Variants in DLGAP2 observed in about 807,000 individuals in gnomAD.
DLGAP2 encodes disks large-associated protein 2.
Under a neutral mutation model 100.3 loss-of-function variants are expected in DLGAP2, and 26 were observed. The ratio of observed to expected loss-of-function variants is 0.26; its 90% CI spans 0.19 to 0.36. The LOEUF (loss-of-function observed/expected upper bound fraction) is 0.36. DLGAP2 is among the 10% of genes least tolerant of loss of function. DLGAP2 has a pLI of 1.00. For synonymous variants in DLGAP2, 886 were observed against 630.1 expected, an observed-to-expected ratio of 1.41 and a Z score of -6.08; for missense variants, 1,858 against 1,453.2, an observed-to-expected ratio of 1.28 and a Z score of -4.53.
intron 1 of DLGAP2, among the ~76,000 whole-genome samples, chr8:779,111 C>A (rs1044445373): frequency 6.6e-6 from 1 of 152,250 alleles, no homozygotes; most frequent in African/African-American, 2.4e-5. Context: ...TTCCAGGTGC[C>A]GTCCGTCACC....
chr8:1,306,353 C>A (rs530916052), intron 3 of DLGAP2, among the ~76,000 whole-genome samples: 12 of 151,954 alleles, frequency 7.9e-5, no homozygotes, highest in East Asian at 5.8e-4. Flanking sequence ...GTCAAAAAAA[C>A]CCAAAATTCT....
chr8:1,620,261 C>G (rs140208497), intron 6 of DLGAP2: 36 of 152,408 alleles, frequency 2.4e-4, no homozygotes, highest in African/African-American at 7.7e-4. Context: ...CACTTGATTT[C>G]TCAGCATCTG....
At chr8:817,939 C>G (rs1796515592) in intron 1 of DLGAP2, among the ~76,000 whole-genome samples, 1 of 152,162 alleles carries the variant, frequency 6.6e-6, no homozygotes, top group African/African-American at 2.4e-5. Flanking sequence ...GGCCTCCAGC[C>G]AGGAGGTGGT....
intron 2 of DLGAP2, among the ~76,000 whole-genome samples, chr8:1,048,146 A>G (rs977770836): frequency 2.0e-5 from 3 of 152,106 alleles, no homozygotes; most frequent in Non-Finnish European, 4.4e-5. Context: ...TTTTTAATCT[A>G]CAGAATACAA....
chr8:802,009 ACAGTCCGCACCCCTCC>A (rs1796167336), intron 1 of DLGAP2, among the ~76,000 whole-genome samples: 1 of 71,470 alleles, frequency 1.4e-5, no homozygotes, highest in African/African-American at 4.7e-5. Context: ...AGCCTGAGGA[ACAGTCCGCACCCCTCC>A]TGGGCCCTCC....
In DLGAP2 at chr8:1,691,408, G is replaced by A. The variant is rs34727953; in HGVS notation, c.2705-127G>A. 3,961 of 747,380 alleles carry A rather than the reference G, an allele frequency of 5.3e-3. 17 individuals carry two copies. The highest frequency in any genetic ancestry group is 6.9e-3 in the Non-Finnish European group (3,187 of 461,218). The allele number at this position is 747,380 out of a possible 1,614,324, so 46.3% of individuals were successfully genotyped here. A position where few individuals can be genotyped will look rare whatever the true frequency, so the allele number is the denominator to read the frequency against. ...GCACGAGTCACCAGCGAACACGCTC[G>A]GCACGATGAAGTCGTCAGTTTTCAT... On this transcript the variant is annotated intron_variant, in intron 12 of 14. Transcript: ENST00000637795.
chr8:1,193,712 A>G (rs957292055), intron 2 of DLGAP2, among the ~76,000 whole-genome samples: 1 of 151,880 alleles, frequency 6.6e-6, no homozygotes, highest in Non-Finnish European at 1.5e-5. Flanking sequence ...CCCTCTCTGC[A>G]CCTGAGACTC....
intron 1 of DLGAP2, among the ~76,000 whole-genome samples, chr8:852,486 A>T (rs1331440228): frequency 6.6e-6 from 1 of 152,174 alleles, no homozygotes; most frequent in African/African-American, 2.4e-5. Flanking sequence ...ATTGTAATGA[A>T]TTATTAGCTT....
chr8:1,522,192 G>C (rs1449107203), intron 4 of DLGAP2, among the ~76,000 whole-genome samples: 1 of 152,204 alleles, frequency 6.6e-6, no homozygotes, highest in South Asian at 2.1e-4. Flanking sequence ...CTCTTCGGTG[G>C]GGTCCACTCA....
intron 6 of DLGAP2, among the ~76,000 whole-genome samples, chr8:1,578,114 C>G (rs887500862): frequency 6.6e-6 from 1 of 152,196 alleles, no homozygotes; most frequent in East Asian, 1.9e-4. Context: ...GAGTGTTTTT[C>G]TCTTTTTTGC....
intron 3 of DLGAP2, among the ~76,000 whole-genome samples, chr8:1,268,253 A>G (rs1167710677): frequency 6.6e-6 from 1 of 152,192 alleles, no homozygotes; most frequent in East Asian, 1.9e-4. Context: ...TTTAAACATC[A>G]GGCCGTGGGT....
At chr8:1,019,134 G>A (rs28595090) in intron 2 of DLGAP2, 8,004 of 152,178 alleles carry the variant, frequency 0.053, 231 homozygotes, top group Middle Eastern at 0.075. Context: ...GCATTATCAC[G>A]GCATGTGCTT....
intron 3 of DLGAP2, among the ~76,000 whole-genome samples, chr8:1,463,599 G>T (rs1798522675): frequency 6.6e-6 from 1 of 152,242 alleles, no homozygotes; most frequent in African/African-American, 2.4e-5. Flanking sequence ...GTTTAAGCCT[G>T]AGTTCTGAAC....
intron 6 of DLGAP2, among the ~76,000 whole-genome samples, chr8:1,596,492 G>T (rs988801409): frequency 2.0e-5 from 3 of 152,188 alleles, no homozygotes; most frequent in Non-Finnish European, 4.4e-5. Context: ...CCCACCAACA[G>T]TGTAAAAGCG....
At chr8:837,878 G>T (rs1033932021) in intron 1 of DLGAP2, among the ~76,000 whole-genome samples, 1 of 147,042 alleles carries the variant, frequency 6.8e-6, no homozygotes, top group African/African-American at 2.5e-5. Context: ...CACCACGCCC[G>T]GCTAGTTGTT....
At chr8:1,365,661 G>T (rs1201681670) in intron 3 of DLGAP2, among the ~76,000 whole-genome samples, 2 of 152,196 alleles carry the variant, frequency 1.3e-5, no homozygotes, top group African/African-American at 4.8e-5. Flanking sequence ...ATCCAAGTGT[G>T]CCGAGCCAAG....
chr8:860,076 T>G (rs1458775410), intron 1 of DLGAP2, among the ~76,000 whole-genome samples: 2 of 152,232 alleles, frequency 1.3e-5, no homozygotes, highest in East Asian at 3.8e-4. Flanking sequence ...AGATTGTTGT[T>G]TCCAAATTAA....
intron 5 of DLGAP2, among the ~76,000 whole-genome samples, chr8:1,551,227 C>G (rs1201575948): frequency 6.6e-6 from 1 of 152,238 alleles, no homozygotes; most frequent in African/African-American, 2.4e-5. Context: ...AAACCCTAAT[C>G]ATATCCAAAT....
chr8:826,082 C>T (rs7008410), intron 1 of DLGAP2, among the ~76,000 whole-genome samples: 6,337 of 152,338 alleles, frequency 0.042, 206 homozygotes, highest in African/African-American at 0.082. Flanking sequence ...CTGTGTTTAT[C>T]TTTCTGTGCC....
Sources: gnomAD v4.1 joint callset for allele counts (sites outside exome capture counted in the v4.1 genomes callset) on GRCh38, gnomAD v4.1.1 for gene constraint, MANE v1.5 for transcripts, NCBI Gene and HGNC (gene_info 2026-07-23, HGNC 2026-07-21) for gene names.